Variants in CEP83 observed in about 807,000 individuals in gnomAD.
CEP83 encodes centrosomal protein of 83 kDa.
Under a neutral mutation model 101.9 loss-of-function variants are expected in CEP83, and 70 were observed. The observed-to-expected ratio is 0.69, with a 90% CI of 0.57 to 0.84. The LOEUF is 0.84. CEP83 is among the 40% of genes least tolerant of loss of function. CEP83 has a pLI of 0.00. For missense variants in CEP83, 715 were observed against 787.2 expected (o/e 0.91, Z 1.10); for synonymous variants, 264 against 267.9 (o/e 0.99, Z 0.14).
chr12:94,446,934 T>C (rs1460540415), intron 1 of CEP83, among the ~76,000 whole-genome samples: 1 of 151,942 alleles, frequency 6.6e-6, no homozygotes, highest in Non-Finnish European at 1.5e-5. Context: ...GAGGAAATCT[T>C]TAAAAAGGAG....
chr12:94,384,136 G>A (rs2062002391), intron 6 of CEP83, among the ~76,000 whole-genome samples: 1 of 151,996 alleles, frequency 6.6e-6, no homozygotes, highest in Admixed American at 6.6e-5. Context: ...TAGGTCTACT[G>A]GCAAAAAGTT....
intron 1 of CEP83, among the ~76,000 whole-genome samples, chr12:94,448,529 T>C (rs2066976750): frequency 6.6e-6 from 1 of 152,052 alleles, no homozygotes; most frequent in South Asian, 2.1e-4. Context: ...CACCACATAC[T>C]GGGGCACAAG....
intron 6 of CEP83, 28 bp downstream of exon 6, chr12:94,400,822 A>G: frequency 3.0e-6 from 4 of 1,343,974 alleles, no homozygotes; most frequent in Non-Finnish European, 3.9e-6. Context: ...GAACAATAAC[A>G]AAGAAACTCG....
the CEP83 span, among the ~76,000 whole-genome samples, chr12:94,273,946 CT>C: frequency 6.6e-6 from 1 of 152,072 alleles, no homozygotes; most frequent in South Asian, 2.1e-4. Context: ...GCGTCACCAT[CT>C]CCCAGTACCT....
chr12:94,456,652 C>T (rs1316143021), intron 1 of CEP83, among the ~76,000 whole-genome samples: 2 of 152,164 alleles, frequency 1.3e-5, no homozygotes, highest in Non-Finnish European at 2.9e-5. Context: ...TATAAAACCA[C>T]CAGATCTCAT....
chr12:94,397,771 C>T (rs1042532760), intron 6 of CEP83, among the ~76,000 whole-genome samples: 12 of 152,166 alleles, frequency 7.9e-5, no homozygotes, highest in Admixed American at 2.6e-4. Flanking sequence ...ACTAAATCTT[C>T]GTTTTAGGCT....
chr12:94,388,181 T>A (rs1371817310), intron 6 of CEP83, among the ~76,000 whole-genome samples: 3 of 152,078 alleles, frequency 2.0e-5, no homozygotes, highest in Non-Finnish European at 2.9e-5. Context: ...TCAACCTGGG[T>A]TCCCATCAAT....
intron 11 of CEP83, among the ~76,000 whole-genome samples, chr12:94,367,578 A>G (rs965123747): frequency 2.0e-5 from 3 of 152,148 alleles, no homozygotes; most frequent in African/African-American, 7.2e-5. Context: ...AAATTTAAGT[A>G]CAGTTAATAG....
intron 6 of CEP83, among the ~76,000 whole-genome samples, chr12:94,393,425 G>A (rs1218687182): frequency 5.3e-5 from 8 of 152,102 alleles, no homozygotes; most frequent in Admixed American, 1.3e-4. Context: ...AAATTCAACA[G>A]AACTTCATGC....
rs145909362 is a variant in CEP83, at chr12:94,339,121, C to T, written c.1344-3457G>A. On this transcript the variant is annotated intron_variant, in intron 11 of 16. Transcript: ENST00000397809. ...CTGGGATTACAGGCATCCACCACCA[C>T]GCCCGGCTAATTTTTTGTATTTTTA... Among the ~76,000 whole-genome samples the T allele has an allele frequency of 8.1e-4, 123 of 152,174 alleles. 1 individual carries two copies. The East Asian group carries it at 0.022, about 27-fold the overall frequency.
At chr12:94,270,078 G>A in the CEP83 span, among the ~76,000 whole-genome samples, 10 of 152,156 alleles carry the variant, frequency 6.6e-5, no homozygotes, top group Middle Eastern at 3.4e-3. Context: ...GTTATTGTTA[G>A]GATCATTATT....
intron 7 of CEP83, among the ~76,000 whole-genome samples, chr12:94,376,740 T>C (rs1365582038): frequency 3.9e-4 from 44 of 114,190 alleles, no homozygotes; most frequent in African/African-American, 1.2e-3. Flanking sequence ...CACATATATA[T>C]ATATATATTT....
At chr12:94,377,985 C>T (rs2137157861) in intron 7 of CEP83, among the ~76,000 whole-genome samples, 1 of 149,974 alleles carries the variant, frequency 6.7e-6, no homozygotes, top group East Asian at 1.9e-4. Flanking sequence ...ACTCCTGTAC[C>T]ACTGGCTGGG....
At chr12:94,273,346 G>A in the CEP83 span, among the ~76,000 whole-genome samples, 1 of 152,112 alleles carries the variant, frequency 6.6e-6, no homozygotes, top group African/African-American at 2.4e-5. Context: ...CAAAGAAGGT[G>A]GGATTTTTTT....
chr12:94,375,750 A>G, intron 8 of CEP83, 136 bp downstream of exon 8: 1 of 466,680 alleles, frequency 2.1e-6, no homozygotes, highest in South Asian at 5.6e-5. Context: ...CTACTGATCA[A>G]TGTATTTATT....
chr12:94,364,418 A>C (rs1454609751), intron 11 of CEP83, among the ~76,000 whole-genome samples: 3 of 152,140 alleles, frequency 2.0e-5, no homozygotes, highest in African/African-American at 7.2e-5. Flanking sequence ...CTGAGAGAAA[A>C]ACTATAAGGA....
chr12:94,279,489 T>C, the CEP83 span: 1 of 1,613,386 alleles, frequency 6.2e-7, no homozygotes, highest in Non-Finnish European at 8.5e-7. Flanking sequence ...ACGTCGTCTT[T>C]GAAAAAATCC....
chr12:94,292,187 A>C, the CEP83 span, among the ~76,000 whole-genome samples: 9 of 152,236 alleles, frequency 5.9e-5, no homozygotes, highest in African/African-American at 2.2e-4. Context: ...CTCAAAATCT[A>C]GACACAGTAC....
chr12:94,344,195 A>C lies in CEP83; in HGVS notation c.1344-8531T>G, dbSNP rs570135377. 2.0e-5 allele frequency among the ~76,000 whole-genome samples: 3 copies of C among 152,364 alleles called. No homozygotes were observed. The East Asian group carries it at 5.8e-4, about 29-fold the overall frequency. On this transcript the variant is annotated intron_variant, in intron 11 of 16. Coordinates refer to ENST00000397809, the MANE Select transcript of CEP83 (RefSeq NM_016122.3). ...TATGGCAGACTTAGCAAACTACTAC[A>C]TCTTCTGTTAAACAACTCTTTGGCA...
Sources: gnomAD v4.1 joint callset for allele counts (sites outside exome capture counted in the v4.1 genomes callset) on GRCh38, gnomAD v4.1.1 for gene constraint, MANE v1.5 for transcripts, NCBI Gene and HGNC (gene_info 2026-07-23, HGNC 2026-07-21) for gene names.